LRRN2: variants seen among roughly 807,000 people sequenced by gnomAD.
LRRN2 encodes the protein leucine-rich repeat neuronal protein 2.
In LRRN2, 10 loss-of-function variants were observed where a neutral mutation model predicts 35.7. The ratio of observed to expected loss-of-function variants is 0.28; its 90% confidence interval spans 0.17 to 0.47. The LOEUF (loss-of-function observed/expected upper bound fraction) is 0.47. Ranked by LOEUF, LRRN2 falls within the 20% of genes least tolerant of loss-of-function variation. LRRN2 has a pLI of 0.99. For missense variants in LRRN2, 731 were observed against 940.3 expected (o/e 0.78, Z 2.91); for synonymous variants, 391 against 409.6 (o/e 0.95, Z 0.55).
chr1:204,677,320 G>A (rs1186163707), intron 1 of LRRN2, among the ~76,000 whole-genome samples: 1 of 152,172 alleles, frequency 6.6e-6, no homozygotes, highest in Non-Finnish European at 1.5e-5. Flanking sequence ...GCTGGGGGCA[G>A]GGAGGAGAGC....
At chr1:204,665,243 G>T (rs1250277106) in intron 1 of LRRN2, among the ~76,000 whole-genome samples, 2 of 151,948 alleles carry the variant, frequency 1.3e-5, no homozygotes, top group East Asian at 3.9e-4. Context: ...CATTCCCGGG[G>T]GTCTCAGGGC....
In LRRN2 at chr1:204,631,256, CTATA is replaced by C. The variant is rs1162626713; in HGVS notation, c.-226-11042_-226-11039del. 2.6e-3 allele frequency among the ~76,000 whole-genome samples: 97 copies of C among 36,870 alleles called. 1 individual carries two copies. Among genetic ancestry groups the C allele is most frequent in the African/African-American group, 6.0e-3 (62 of 10,396 alleles). 24.2% of individuals were successfully genotyped at this position (36,870 alleles called of 152,430 possible). On this transcript the variant is annotated intron_variant, in intron 1 of 1. Transcript: ENST00000367177. ...CAAGAAGAGTGATACCTAGAGTGTT[CTATA>C]TATATATATATATATATATATATAT...
chr1:204,667,187 C>T (rs1668591553), intron 1 of LRRN2, among the ~76,000 whole-genome samples: 1 of 152,064 alleles, frequency 6.6e-6, no homozygotes, highest in Admixed American at 6.5e-5. Flanking sequence ...AAACCAGGCA[C>T]ACACAAAGGA....
chr1:204,637,645 CGTG>C (rs1277139893), intron 1 of LRRN2, among the ~76,000 whole-genome samples: 1 of 129,950 alleles, frequency 7.7e-6, no homozygotes, highest in Non-Finnish European at 1.6e-5. Context: ...CAGCACGTGA[CGTG>C]TGTGTGTGTG....
intron 1 of LRRN2, among the ~76,000 whole-genome samples, chr1:204,667,303 G>C (rs1668593177): frequency 6.6e-6 from 1 of 152,164 alleles, no homozygotes; most frequent in African/African-American, 2.4e-5. Context: ...GGCACTGGGG[G>C]ATGCTGGATG....
In LRRN2 at chr1:204,620,243, A is replaced by C. The variant is rs941146505; in HGVS notation, c.-226-25T>G. On this transcript the variant is annotated intron_variant, in intron 1 of 1. Coordinates refer to ENST00000367177, the MANE Select transcript of LRRN2 (RefSeq NM_201630.2). The stretch of plus-strand genomic sequence containing the variant: ...CCTGGAAGAAGAGGATGCAGAGTTA[A>C]GGAGGTTGCAGAGAAGCAGTATCTA... The C allele has an allele frequency of 9.9e-6, 14 of 1,414,398 alleles. No individual in the cohort carries two copies. The African/African-American group carries it at 1.2e-4, about 12-fold the overall frequency. 87.6% of individuals were successfully genotyped at this position (1,414,398 alleles called of 1,614,324 possible).
chr1:204,674,994 G>T (rs58408615), intron 1 of LRRN2, among the ~76,000 whole-genome samples: 1 of 152,190 alleles, frequency 6.6e-6, no homozygotes, highest in South Asian at 2.1e-4. Flanking sequence ...GTTCATGAGA[G>T]AATTCATGTA....
chr1:204,679,679 A>G (rs1030715295), intron 1 of LRRN2, among the ~76,000 whole-genome samples: 3 of 151,940 alleles, frequency 2.0e-5, no homozygotes, highest in African/African-American at 7.3e-5. Context: ...ATCTCTCTCC[A>G]CCTTATCTGG....
At chr1:204,649,084 C>T (rs1343853322) in intron 1 of LRRN2, among the ~76,000 whole-genome samples, 1 of 152,240 alleles carries the variant, frequency 6.6e-6, no homozygotes, top group African/African-American at 2.4e-5. Flanking sequence ...AGCAAATCAG[C>T]ATCAAAGCCA....
At chr1:204,648,623 C>T (rs58051175) in intron 1 of LRRN2, among the ~76,000 whole-genome samples, 27,101 of 151,984 alleles carry the variant, frequency 0.18, 3,230 homozygotes, top group East Asian at 0.44. Context: ...TCTAGCCTCG[C>T]CCCCCCACCC....
At chr1:204,661,747 T>C (rs1189873731) in intron 1 of LRRN2, among the ~76,000 whole-genome samples, 2 of 151,928 alleles carry the variant, frequency 1.3e-5, no homozygotes, top group East Asian at 3.9e-4. Context: ...GGGTTAGAGG[T>C]TGACTATGCT....
In LRRN2 at chr1:204,661,763, A is replaced by G. The variant is rs145963612; in HGVS notation, c.-227+23557T>C. 5.3e-3 allele frequency among the ~76,000 whole-genome samples: 814 copies of G among 152,310 alleles called. 3 individuals carry two copies. Among genetic ancestry groups the G allele is most frequent in the Non-Finnish European group, 8.4e-3 (573 of 68,018 alleles). On this transcript the variant is annotated intron_variant, in intron 1 of 1. Coordinates refer to ENST00000367177, the MANE Select transcript of LRRN2 (RefSeq NM_201630.2). ...GGTTAGAGGTTGACTATGCTGCAGCATAGAGAAAGTACGGTGAGGACAGCA... is the reference window on the plus strand; with the variant it reads ...GGTTAGAGGTTGACTATGCTGCAGCGTAGAGAAAGTACGGTGAGGACAGCA...
chr1:204,641,567 T>A (rs972056179), intron 1 of LRRN2, among the ~76,000 whole-genome samples: 1 of 152,216 alleles, frequency 6.6e-6, no homozygotes, highest in African/African-American at 2.4e-5. Flanking sequence ...TTTAAAAAAA[T>A]TTTAATCCAC....
chr1:204,617,778 C>G lies in LRRN2; in HGVS notation c.*73G>C, dbSNP rs1571588093. On this transcript the variant is annotated 3_prime_UTR_variant, in exon 2 of 2. Coordinates refer to ENST00000367177, the MANE Select transcript of LRRN2 (RefSeq NM_201630.2). ...CCATGTCCCTTTCCTGGCAGGGCATCTGGCCCAGACTGCTTCTCTTTTGGT... is the reference window on the plus strand; with the variant it reads ...CCATGTCCCTTTCCTGGCAGGGCATGTGGCCCAGACTGCTTCTCTTTTGGT... 6.5e-7 allele frequency: 1 copy of G among 1,540,518 alleles called. No individual in the cohort carries two copies. The highest frequency in any genetic ancestry group is 1.7e-5 in the Admixed American group (1 of 58,896).
chr1:204,641,963 G>T (rs1290312742), intron 1 of LRRN2, among the ~76,000 whole-genome samples: 1 of 152,228 alleles, frequency 6.6e-6, no homozygotes, highest in African/African-American at 2.4e-5. Flanking sequence ...AGGGCTGCAG[G>T]TGTGGAAGAG....
In LRRN2 at chr1:204,661,749, G is replaced by A. The variant is rs575775478; in HGVS notation, c.-227+23571C>T. Among the ~76,000 whole-genome samples the A allele has an allele frequency of 1.4e-4, 21 of 152,306 alleles. No homozygotes were observed. In the South Asian group the frequency reaches 4.4e-3, roughly 32 times the overall value. On this transcript the variant is annotated intron_variant, in intron 1 of 1. Transcript: ENST00000367177. ...CCCTTGGCAGGGAGGGTTAGAGGTT[G>A]ACTATGCTGCAGCATAGAGAAAGTA...
chr1:204,638,310 C>G (rs1667888178), intron 1 of LRRN2, among the ~76,000 whole-genome samples: 1 of 152,002 alleles, frequency 6.6e-6, no homozygotes, highest in South Asian at 2.1e-4. Context: ...TTGAATCCCC[C>G]CGCACCGTTG....
At chr1:204,638,046 C>T (rs1227725491) in intron 1 of LRRN2, among the ~76,000 whole-genome samples, 1 of 152,138 alleles carries the variant, frequency 6.6e-6, no homozygotes, top group African/African-American at 2.4e-5. Flanking sequence ...CCTCCCGCCT[C>T]GTGAAAGCAT....
intron 1 of LRRN2, among the ~76,000 whole-genome samples, chr1:204,660,423 C>CT (rs2102617377): frequency 6.6e-6 from 1 of 152,266 alleles, no homozygotes; most frequent in Admixed American, 6.5e-5. Context: ...TAGAATGGGG[C>CT]CTAGTAAATA....
Sources: allele counts gnomAD v4.1 joint callset (sites outside exome capture counted in the v4.1 genomes callset), GRCh38; gene constraint gnomAD v4.1.1; transcripts MANE v1.5; gene names NCBI Gene and HGNC (gene_info 2026-07-23, HGNC 2026-07-21).